Variants in UBA2 observed in about 807,000 individuals in gnomAD.
UBA2 encodes ubiquitin like modifier activating enzyme 2.
In UBA2, 11 loss-of-function variants were observed where a neutral mutation model predicts 77.2. The ratio of observed to expected loss-of-function variants is 0.14; its 90% CI spans 0.09 to 0.24. The LOEUF is 0.24. UBA2 is among the 10% of genes least tolerant of loss of function. The probability of loss-of-function intolerance (pLI) is 1.00; values close to 1 mark genes in which losing one functional copy is unlikely to be tolerated. For missense variants in UBA2, 487 were observed against 781.7 expected, an observed-to-expected ratio of 0.62 and a Z score of 4.50; for synonymous variants, 278 against 276.7, an observed-to-expected ratio of 1.00 and a Z score of -0.05.
At chr19:34,458,657 G>A (rs556250678) in intron 12 of UBA2, 112 bp from the exon 13 acceptor site, 24 of 865,984 alleles carry the variant, frequency 2.8e-5, no homozygotes, top group South Asian at 5.3e-5. Flanking sequence ...CCATCTGGAC[G>A]GGAATTTTTA....
intron 1 of UBA2, chr19:34,429,016 C>T (rs1260423368): frequency 1.0e-6 from 1 of 985,100 alleles, no homozygotes; most frequent in African/African-American, 1.8e-5. Context: ...ACCAACGCGT[C>T]CCGAGCGCTG....
intron 12 of UBA2, among the ~76,000 whole-genome samples, chr19:34,455,436 G>T (rs961700757): frequency 2.0e-5 from 3 of 152,052 alleles, no homozygotes; most frequent in Non-Finnish European, 4.4e-5. Context: ...GTTCTCTTTG[G>T]ATTCCTTCCT....
At chr19:34,439,162 C>T (rs371121000) in intron 6 of UBA2, among the ~76,000 whole-genome samples, 10 of 149,796 alleles carry the variant, frequency 6.7e-5, no homozygotes, top group Non-Finnish European at 1.5e-4. Flanking sequence ...GAGCCGAGAT[C>T]GCGCCACTGC....
intron 9 of UBA2, 67 bp downstream of exon 9, chr19:34,450,431 GC>G: frequency 9.1e-7 from 1 of 1,103,362 alleles, no homozygotes; most frequent in Non-Finnish European, 1.3e-6. Flanking sequence ...TCTTTGTATA[GC>G]CCTGTTGTTG....
chr19:34,444,033 GTTTTTTTTTTGTTTTTTTTTTTTTT>G (rs2145517213), intron 7 of UBA2, 122 bp downstream of exon 7: 1 of 202,742 alleles, frequency 4.9e-6, no homozygotes, highest in Non-Finnish European at 8.8e-6. Flanking sequence ...TTTAACATGT[GTTTTTTTTTTGTTTTTTTTTTTTTT>G]TTTTTTTTTT....
At chr19:34,451,623 C>CTG (rs1224365139) in intron 9 of UBA2, among the ~76,000 whole-genome samples, 6 of 135,146 alleles carry the variant, frequency 4.4e-5, no homozygotes, top group Non-Finnish European at 7.7e-5. Context: ...TCTTGGCTCA[C>CTG]TGCAAGCTCC....
intron 1 of UBA2, chr19:34,428,814 C>T (rs1433966098): frequency 8.6e-7 from 1 of 1,156,716 alleles, no homozygotes; most frequent in Non-Finnish European, 1.1e-6. Flanking sequence ...GGGCCCCCGC[C>T]TCCCCGGCAG....
intron 8 of UBA2, among the ~76,000 whole-genome samples, chr19:34,448,118 A>T (rs1316618691): frequency 1.3e-5 from 2 of 152,068 alleles, no homozygotes; most frequent in Non-Finnish European, 2.9e-5. Flanking sequence ...CTATAAGGGG[A>T]TAGAGGGGAT....
chr19:34,428,560 A>C lies in UBA2; in HGVS notation c.128A>C (p.His43Pro). 3 of 1,269,196 alleles carry C rather than the reference A, an allele frequency of 2.4e-6. No individual in the cohort carries two copies. The highest frequency in any genetic ancestry group is 3.0e-6 in the Non-Finnish European group (3 of 996,236). The allele number at this position is 1,269,196 out of a possible 1,614,324, so 78.6% of individuals were successfully genotyped here. Residue 43 changes from histidine (H) to proline (P), a missense_variant, in exon 1 of 17, where the codon CAC (histidine) becomes CCC (proline). Around this residue, in one of 9 missense-constraint regions of UBA2, gnomAD observed 19 missense variants for 17.7 expected, o/e 1.07. Transcript: ENST00000246548. ...AATCTCGTGCTCACCGGTTTCTCCCACATCGACCTGGTGAGGGCCGGGCGC... is the reference window on the plus strand; with the variant it reads ...AATCTCGTGCTCACCGGTTTCTCCCCCATCGACCTGGTGAGGGCCGGGCGC... ...LKNLVLTGFS[H>P]IDLIDLDTID...
chr19:34,454,756 T>C (rs2075539808), intron 12 of UBA2, among the ~76,000 whole-genome samples, 200 bp downstream of exon 12: 1 of 152,204 alleles, frequency 6.6e-6, no homozygotes, highest in Non-Finnish European at 1.5e-5. Flanking sequence ...AGAAGTTGCT[T>C]TTGCTTTTAA....
At chr19:34,453,737 G>A (rs2075527844) in intron 10 of UBA2, among the ~76,000 whole-genome samples, 1 of 151,794 alleles carries the variant, frequency 6.6e-6, no homozygotes, top group South Asian at 2.1e-4. Context: ...CACGTTGCCC[G>A]GGCTGGTCAC....
chr19:34,456,947 C>A (rs2075569800), intron 12 of UBA2, among the ~76,000 whole-genome samples: 2 of 151,612 alleles, frequency 1.3e-5, no homozygotes. Flanking sequence ...GTACTAATTA[C>A]TGAACTTATT....
At chr19:34,454,699 A>T in intron 12 of UBA2, 143 bp downstream of exon 12, 1 of 500,870 alleles carries the variant, frequency 2.0e-6, no homozygotes, top group Non-Finnish European at 3.4e-6. Context: ...TTACCAAGTG[A>T]GTGTGTGTTT....
chr19:34,444,044 GTTTTTTTTTTT>G (rs35028159), intron 7 of UBA2, 133 bp downstream of exon 7: 62 of 175,830 alleles, frequency 3.5e-4, no homozygotes, highest in Middle Eastern at 2.7e-3. Flanking sequence ...TTTTTTTTTT[GTTTTTTTTTTT>G]TTTTTTTTTT....
At chr19:34,458,597 G>C (rs1267827515) in intron 12 of UBA2, 172 bp from the exon 13 acceptor site, 1 of 277,058 alleles carries the variant, frequency 3.6e-6, no homozygotes, top group African/African-American at 2.7e-5. Flanking sequence ...AAAAAAGAAG[G>C]TTGAAAAACC....
At chr19:34,438,563 A>G (rs766926419) in intron 5 of UBA2, 82 bp from the exon 6 acceptor site, 79 of 1,514,986 alleles carry the variant, frequency 5.2e-5, no homozygotes, top group Middle Eastern at 1.7e-4. Flanking sequence ...TGGAATATAG[A>G]TGAATGAAGT....
At chr19:34,450,742 CTTTTTTTTTTTTTTTT>C (rs59580124) in intron 9 of UBA2, among the ~76,000 whole-genome samples, 1 of 83,402 alleles carries the variant, frequency 1.2e-5, no homozygotes, top group Non-Finnish European at 2.1e-5. Flanking sequence ...TTATGTATAT[CTTTTTTTTTTTTTTTT>C]TTTTTTTTGA....
chr19:34,454,384 A>G (rs990386717), intron 11 of UBA2, 31 bp downstream of exon 11: 2 of 1,592,192 alleles, frequency 1.3e-6, no homozygotes, highest in South Asian at 2.3e-5. Context: ...TTGTATCACT[A>G]AAACCTTGAA....
chr19:34,438,236 A>AC (rs2075331422), intron 5 of UBA2, among the ~76,000 whole-genome samples: 1 of 143,694 alleles, frequency 7.0e-6, no homozygotes, highest in Admixed American at 7.1e-5. Context: ...AAAAAAAAAA[A>AC]CACATATAAG....
Sources: allele counts gnomAD v4.1 joint callset (sites outside exome capture counted in the v4.1 genomes callset), GRCh38; gene constraint gnomAD v4.1.1; regional missense constraint gnomAD v4.1.1; transcripts MANE v1.5; gene names NCBI Gene and HGNC (gene_info 2026-07-23, HGNC 2026-07-21).